MAMDC2: variants seen among roughly 807,000 people sequenced by gnomAD.
MAMDC2 encodes MAM domain-containing protein 2.
A neutral mutation model predicts 89.8 loss-of-function variants in MAMDC2; 57 were observed. That is an observed-to-expected ratio of 0.63 (90% confidence interval 0.51 to 0.79). The LOEUF (loss-of-function observed/expected upper bound fraction) is 0.79. MAMDC2 is among the 30% of genes least tolerant of loss of function. The pLI is 0.00. For synonymous variants in MAMDC2, 313 were observed against 293.4 expected (o/e 1.07, Z -0.68); for missense variants, 800 against 820.6 (o/e 0.97, Z 0.31).
chr9:70,144,968 A>G (rs2031350950), intron 9 of MAMDC2, among the ~76,000 whole-genome samples: 1 of 152,238 alleles, frequency 6.6e-6, no homozygotes, highest in Non-Finnish European at 1.5e-5. Flanking sequence ...ACCATGGTTA[A>G]TCAAAGATCT....
At chr9:70,083,487 G>A (rs1563945763) in intron 2 of MAMDC2, 2 of 151,934 alleles carry the variant, frequency 1.3e-5, no homozygotes, top group Non-Finnish European at 2.9e-5. Context: ...TGTCTCCTAA[G>A]CCAAAGCAAG....
At chr9:70,057,647 C>A (rs1050030636) in intron 2 of MAMDC2, among the ~76,000 whole-genome samples, 2 of 152,230 alleles carry the variant, frequency 1.3e-5, no homozygotes, top group Non-Finnish European at 2.9e-5. Context: ...ACAATATTAG[C>A]CTAGTAGTCT....
chr9:70,096,004 AAATTT>A (rs1369569559), intron 2 of MAMDC2, among the ~76,000 whole-genome samples: 11 of 152,182 alleles, frequency 7.2e-5, no homozygotes, highest in African/African-American at 2.6e-4. Flanking sequence ...ATAGGACTTT[AAATTT>A]AATTTAATTT....
intron 1 of MAMDC2, 150 bp from the exon 2 acceptor site, chr9:70,044,434 G>A: frequency 1.2e-6 from 1 of 800,556 alleles, no homozygotes. Context: ...GAGGCGCCCG[G>A]GGATGCTGGG....
At chr9:70,047,941 C>T (rs973523588) in intron 2 of MAMDC2, among the ~76,000 whole-genome samples, 2 of 152,170 alleles carry the variant, frequency 1.3e-5, no homozygotes, top group Non-Finnish European at 2.9e-5. Context: ...TATTTCATGG[C>T]CACTTTAAAA....
chr9:70,044,252 C>A (rs1365704397), intron 1 of MAMDC2, 21 bp downstream of exon 1: 1 of 1,610,918 alleles, frequency 6.2e-7, no homozygotes, highest in Non-Finnish European at 8.5e-7. Flanking sequence ...GACCCCGGGA[C>A]AACCCCGGGG....
chr9:70,093,686 C>A (rs1416488521), intron 2 of MAMDC2: 1 of 151,934 alleles, frequency 6.6e-6, no homozygotes, highest in Non-Finnish European at 1.5e-5. Context: ...CCCACCTTGA[C>A]TTCCCAAAGT....
rs1031581310 is a variant in MAMDC2, at chr9:70,044,675, G to A, written c.126G>A (p.Leu42=). 2 of 1,551,546 alleles carry A rather than the reference G, an allele frequency of 1.3e-6. No individual in the cohort carries two copies. Among genetic ancestry groups the A allele is most frequent in the African/African-American group, 1.4e-5 (1 of 73,062 alleles). The change falls in exon 2 of 14, where the codon CTG becomes CTA. Residue 42 remains leucine, a synonymous_variant. Coordinates refer to ENST00000377182, the MANE Select transcript of MAMDC2 (RefSeq NM_153267.5). ...TCGFDSVLAS[L]PWILNEEGHY... ...GCTTTGACTCCGTGTTGGCCTCTCT[G>A]CCGTGGATTTTAAATGAGGAAGGTA...
At chr9:70,060,321 A>G (rs1207845622) in intron 2 of MAMDC2, among the ~76,000 whole-genome samples, 1 of 152,196 alleles carries the variant, frequency 6.6e-6, no homozygotes, top group Non-Finnish European at 1.5e-5. Flanking sequence ...CAGCCTTAGC[A>G]ATCTATGAAG....
At chr9:70,086,031 C>T (rs1281189536) in intron 2 of MAMDC2, 1 of 151,888 alleles carries the variant, frequency 6.6e-6, no homozygotes, top group African/African-American at 2.4e-5. Context: ...TATATATTTG[C>T]ATAAAGACTT....
intron 2 of MAMDC2, among the ~76,000 whole-genome samples, chr9:70,099,291 G>A (rs924566952): frequency 2.0e-5 from 3 of 152,028 alleles, no homozygotes; most frequent in South Asian, 2.1e-4. Flanking sequence ...CTAATAACAC[G>A]ATCAACTTTG....
chr9:70,044,560 C>G (rs980418289), intron 1 of MAMDC2, 24 bp from the exon 2 acceptor site: 2 of 1,539,658 alleles, frequency 1.3e-6, no homozygotes, highest in South Asian at 1.2e-5. Context: ...GGAGCTCGAA[C>G]TGAAACTCGC....
chr9:70,117,389 A>G (rs118033064), intron 5 of MAMDC2, among the ~76,000 whole-genome samples: 10,236 of 152,160 alleles, frequency 0.067, 535 homozygotes, highest in East Asian at 0.21. Context: ...AAAACACCAC[A>G]CATTCTCACT....
intron 11 of MAMDC2, among the ~76,000 whole-genome samples, chr9:70,211,204 A>C (rs1259562881): frequency 6.6e-6 from 1 of 152,184 alleles, no homozygotes; most frequent in Non-Finnish European, 1.5e-5. Context: ...CTCCTGGATA[A>C]TATCCTGAAG....
intron 11 of MAMDC2, among the ~76,000 whole-genome samples, chr9:70,216,024 A>C (rs1287641072): frequency 6.6e-6 from 1 of 152,220 alleles, no homozygotes; most frequent in East Asian, 1.9e-4. Flanking sequence ...ATTTTTGGAA[A>C]TGATTAATTA....
intron 11 of MAMDC2, among the ~76,000 whole-genome samples, chr9:70,176,475 AATTTTGAATGCACAAACTT>A (rs2118556567): frequency 6.6e-6 from 1 of 152,348 alleles, no homozygotes; most frequent in South Asian, 2.1e-4. Context: ...TATTGTGGAA[AATTTTGAATGCACAAACTT>A]AGTGTGTTCA....
intron 1 of MAMDC2, 39 bp from the exon 2 acceptor site, chr9:70,044,545 T>C (rs1242552344): frequency 2.7e-6 from 4 of 1,496,662 alleles, no homozygotes; most frequent in Non-Finnish European, 9.1e-7. Flanking sequence ...CAAAGGCTCC[T>C]GGGTGGAGCT....
Position 70,044,076 on chromosome 9 carries a change from G to T in MAMDC2, c.-122G>T. On this transcript the variant is annotated 5_prime_UTR_variant, in exon 1 of 14. Coordinates refer to ENST00000377182, the MANE Select transcript of MAMDC2 (RefSeq NM_153267.5). ...GCTCAGAGCGCAAGCTTTGCCTCTCGACTTCTCCCTCCTTGGGTCCCCGGC... is the reference window on the plus strand; with the variant it reads ...GCTCAGAGCGCAAGCTTTGCCTCTCTACTTCTCCCTCCTTGGGTCCCCGGC... 1.7e-6 allele frequency: 2 copies of T among 1,197,978 alleles called. No individual in the cohort carries two copies. Among genetic ancestry groups the T allele is most frequent in the Non-Finnish European group, 2.4e-6 (2 of 827,558 alleles). 74.2% of individuals were successfully genotyped at this position (1,197,978 alleles called of 1,614,324 possible). A position where few individuals can be genotyped will look rare whatever the true frequency, so the allele number is the denominator to read the frequency against.
At chr9:70,094,521 G>T (rs1437931302) in intron 2 of MAMDC2, among the ~76,000 whole-genome samples, 1 of 152,148 alleles carries the variant, frequency 6.6e-6, no homozygotes, top group Non-Finnish European at 1.5e-5. Context: ...GGTGTGAGTT[G>T]CCAGCAAAGT....
Sources: allele counts gnomAD v4.1 joint callset (sites outside exome capture counted in the v4.1 genomes callset), GRCh38; gene constraint gnomAD v4.1.1; transcripts MANE v1.5; gene names NCBI Gene and HGNC (gene_info 2026-07-23, HGNC 2026-07-21).